Variants in CCDC122 observed in about 807,000 individuals in gnomAD.
CCDC122 encodes coiled-coil domain-containing protein 122.
A neutral mutation model predicts 37.0 loss-of-function variants in CCDC122; 38 were observed. The ratio of observed to expected loss-of-function variants is 1.03; its 90% confidence interval spans 0.79 to 1.35. The LOEUF is 1.35. Ranked by LOEUF, CCDC122 falls within the 40% of genes most tolerant of loss-of-function variation. The pLI, the probability that CCDC122 is intolerant of heterozygous loss-of-function variation, is 0.00. For synonymous variants in CCDC122, 83 were observed against 95.6 expected (o/e 0.87, Z 0.77); for missense variants, 305 against 310.0 (o/e 0.98, Z 0.12).
chr13:43,869,205 C>T, intron 3 of CCDC122, 126 bp downstream of exon 3: 2 of 732,610 alleles, frequency 2.7e-6, no homozygotes, highest in Non-Finnish European at 4.7e-6. Context: ...TATGTTTGTC[C>T]CAGCTAAATG....
In CCDC122 at chr13:43,868,737, G is replaced by A. The variant is rs1416978309; in HGVS notation, c.113C>T (p.Ala38Val). Residue 38 changes from alanine (A) to valine (V), a missense_variant, in exon 4 of 7, where the codon GCA becomes GTA. By Grantham distance (64) the Ala-to-Val change is moderately conservative (BLOSUM62 0). Transcript: ENST00000444614. The stretch of plus-strand genomic sequence containing the variant: ...CTTTTTGTTTTTTTCTATCTCTGAT[G>A]CTTGTGATTGTTGTTGCTTTGCAAC... ...EKVAKQQQSQ[A>V]SEIEKNKKVL... 1 of 1,564,040 alleles carries A rather than the reference G, an allele frequency of 6.4e-7. No homozygotes were observed. Among genetic ancestry groups the A allele is most frequent in the Non-Finnish European group, 8.7e-7 (1 of 1,155,504 alleles).
At chr13:43,835,522 T>C (rs1220832805), downstream of CCDC122, among the ~76,000 whole-genome samples, 1 of 152,124 alleles carries the variant, frequency 6.6e-6, no homozygotes, top group African/African-American at 2.4e-5. Flanking sequence ...TGTCATAAAA[T>C]GTAAAATAGG....
At chr13:43,833,706 T>C (rs557074941), downstream of CCDC122, among the ~76,000 whole-genome samples, 5 of 152,176 alleles carry the variant, frequency 3.3e-5, no homozygotes, top group Non-Finnish European at 5.9e-5. Flanking sequence ...GAATGGATTA[T>C]TAGATCTCTG....
downstream of CCDC122, among the ~76,000 whole-genome samples, chr13:43,822,570 G>C (rs192790644): frequency 1.6e-4 from 25 of 152,374 alleles, no homozygotes; most frequent in East Asian, 4.6e-3. Flanking sequence ...GATGCTGTCT[G>C]GGAGCCAGGG....
intron 2 of CCDC122, among the ~76,000 whole-genome samples, chr13:43,870,738 T>A (rs1043631304): frequency 1.3e-5 from 2 of 152,104 alleles, no homozygotes; most frequent in Non-Finnish European, 2.9e-5. Flanking sequence ...GGTACACAAA[T>A]GGATATAAGA....
downstream of CCDC122, chr13:43,836,250 A>T (rs2153868926): frequency 6.6e-6 from 1 of 152,338 alleles, no homozygotes; most frequent in African/African-American, 2.4e-5. Context: ...ATTTATTGAC[A>T]TTTTGCCTTT....
At chr13:43,873,704 C>T (rs373162038) in intron 2 of CCDC122, among the ~76,000 whole-genome samples, 4 of 152,284 alleles carry the variant, frequency 2.6e-5, no homozygotes, top group African/African-American at 9.6e-5. Flanking sequence ...ATTGGCTCTA[C>T]CTTTAAATTA....
intron 6 of CCDC122, among the ~76,000 whole-genome samples, chr13:43,848,500 G>A (rs1953620003): frequency 6.6e-6 from 1 of 151,520 alleles, no homozygotes; most frequent in Non-Finnish European, 1.5e-5. Flanking sequence ...TGCCTGCCTT[G>A]TATTTTGCTT....
chr13:43,835,201 A>G (rs1253306015), downstream of CCDC122, among the ~76,000 whole-genome samples: 1 of 152,154 alleles, frequency 6.6e-6, no homozygotes, highest in East Asian at 1.9e-4. Flanking sequence ...TCAGCAAACT[A>G]TTGCAAGGAC....
intron 6 of CCDC122, among the ~76,000 whole-genome samples, chr13:43,857,176 G>A (rs1232634640): frequency 6.6e-6 from 1 of 152,046 alleles, no homozygotes; most frequent in Non-Finnish European, 1.5e-5. Flanking sequence ...TCATGGTTCA[G>A]AAAAATGGTC....
intron 6 of CCDC122, chr13:43,855,498 T>C (rs532638691): frequency 3.9e-5 from 6 of 152,110 alleles, no homozygotes; most frequent in Non-Finnish European, 7.4e-5. Context: ...GGAAAAACAT[T>C]CCATGCTCAT....
intron 6 of CCDC122, among the ~76,000 whole-genome samples, chr13:43,847,476 G>C (rs901755041): frequency 1.3e-5 from 2 of 152,060 alleles, no homozygotes; most frequent in Non-Finnish European, 2.9e-5. Context: ...AGTCCAACAG[G>C]TTTGGATTCA....
intron 6 of CCDC122, among the ~76,000 whole-genome samples, chr13:43,851,920 T>A: frequency 6.7e-6 from 1 of 148,716 alleles, no homozygotes; most frequent in African/African-American, 2.5e-5. Context: ...AATATAACAA[T>A]CAAACCCTCA....
intron 3 of CCDC122, among the ~76,000 whole-genome samples, chr13:43,830,201 A>T (rs1298880581): frequency 6.6e-6 from 1 of 152,176 alleles, no homozygotes; most frequent in Admixed American, 6.5e-5. Context: ...TTTAAAGCAA[A>T]TAAATCATGT....
At chr13:43,839,682 C>T (rs775509409) in intron 6 of CCDC122, among the ~76,000 whole-genome samples, 7 of 152,110 alleles carry the variant, frequency 4.6e-5, no homozygotes, top group African/African-American at 1.7e-4. Context: ...TTTTTCAAAA[C>T]GACTGTATAA....
chr13:43,868,002 G>C (rs988331899), intron 4 of CCDC122, among the ~76,000 whole-genome samples: 1 of 151,838 alleles, frequency 6.6e-6, no homozygotes, highest in Non-Finnish European at 1.5e-5. Flanking sequence ...AAAGCTTATG[G>C]GCACGTCCTA....
At chr13:43,871,604 C>T (rs1954455612) in intron 2 of CCDC122, among the ~76,000 whole-genome samples, 1 of 152,098 alleles carries the variant, frequency 6.6e-6, no homozygotes, top group African/African-American at 2.4e-5. Flanking sequence ...CACTCCCCAA[C>T]CCTTTTCTAT....
At chr13:43,844,008 G>T (rs556868452) in intron 6 of CCDC122, among the ~76,000 whole-genome samples, 1 of 151,686 alleles carries the variant, frequency 6.6e-6, no homozygotes, top group African/African-American at 2.4e-5. Context: ...TGACTTTGTT[G>T]ATTGTTTTCT....
chr13:43,844,219 C>T (rs549158018), intron 6 of CCDC122, among the ~76,000 whole-genome samples: 1 of 151,904 alleles, frequency 6.6e-6, no homozygotes, highest in Non-Finnish European at 1.5e-5. Context: ...CATAATTTTC[C>T]ATACGTTGTG....
Sources: gnomAD v4.1 joint callset for allele counts (sites outside exome capture counted in the v4.1 genomes callset) on GRCh38, gnomAD v4.1.1 for gene constraint, MANE v1.5 for transcripts, NCBI Gene and HGNC (gene_info 2026-07-23, HGNC 2026-07-21) for gene names.